KMT2C: variants seen among roughly 807,000 people sequenced by gnomAD.
KMT2C encodes the protein lysine methyltransferase 2C.
Under a neutral mutation model 507.9 loss-of-function variants are expected in KMT2C, and 88 were observed. That is an observed-to-expected ratio of 0.17 (90% CI 0.15 to 0.21). KMT2C has a LOEUF of 0.21. Among genes scored for constraint, KMT2C ranks in the 10% least tolerant of loss-of-function variants. The pLI is 1.00. For synonymous variants in KMT2C, 2,049 were observed against 2,080.8 expected, an observed-to-expected ratio of 0.98 and a Z score of 0.42; for missense variants, 4,954 against 5,957.8, an observed-to-expected ratio of 0.83 and a Z score of 5.55.
intron 48 of KMT2C, 52 bp downstream of exon 48, chr7:152,153,958 T>C: frequency 6.3e-6 from 10 of 1,582,112 alleles, no homozygotes; most frequent in Non-Finnish European, 8.7e-6. Context: ...TGACCCATCT[T>C]TGAAAATTGG....
chr7:152,178,086 G>T (rs1177833239), intron 37 of KMT2C, 76 bp from the exon 38 acceptor site: 1 of 1,231,192 alleles, frequency 8.1e-7, no homozygotes, highest in Non-Finnish European at 1.0e-6. Flanking sequence ...TTGAAAAAAA[G>T]AAAAGTCTTC....
Position 152,135,102 on chromosome 7 carries a change from GGATATTGTACAA to G in KMT2C, c.*1718_*1729del, listed in dbSNP as rs1216572815. The G allele has an allele frequency of 4.4e-6, 1 of 227,052 alleles. No homozygotes were observed. Among genetic ancestry groups the G allele is most frequent in the African/African-American group, 2.2e-5 (1 of 44,972 alleles). 14.1% of individuals were successfully genotyped at this position (227,052 alleles called of 1,614,324 possible). A position where few individuals can be genotyped will look rare whatever the true frequency, so the allele number is the denominator to read the frequency against. On this transcript the variant is annotated 3_prime_UTR_variant, in exon 59 of 59. Transcript: ENST00000262189. ...TAGGACAAATACTGGTAGGATGTCA[GGATATTGTACAA>G]GAGAAGAAAAATATTCAGGAAACAA...
chr7:152,138,599 A>G lies in KMT2C; in HGVS notation c.14643+197T>C. On this transcript the variant is annotated intron_variant, in intron 58 of 58. Coordinates refer to ENST00000262189, the MANE Select transcript of KMT2C (RefSeq NM_170606.3). The surrounding 1 kb of genome is among the most constrained non-coding windows in gnomAD (Gnocchi z 4.2). ...GAGAGGTGACAGCAAATGCTCACAG[A>G]GCTGCCATGTGGAGGAAGGTGAACT... is the stretch of plus-strand genomic sequence containing the variant. 1 of 492,406 alleles carries G rather than the reference A, an allele frequency of 2.0e-6. No individual in the cohort carries two copies. Among genetic ancestry groups the G allele is most frequent in the Non-Finnish European group, 3.6e-6 (1 of 277,542 alleles). 30.5% of individuals were successfully genotyped at this position (492,406 alleles called of 1,614,324 possible).
intron 1 of KMT2C, among the ~76,000 whole-genome samples, chr7:152,407,890 A>G (rs2097636113): frequency 9.9e-5 from 15 of 152,258 alleles, no homozygotes; most frequent in Admixed American, 9.8e-4. Context: ...ATATACTATT[A>G]GTTACATTTA....
chr7:152,312,099 T>C (rs997429054), intron 4 of KMT2C, 153 bp from the exon 5 acceptor site: 7 of 508,292 alleles, frequency 1.4e-5, no homozygotes, highest in African/African-American at 9.7e-5. Context: ...GTTAGTATTA[T>C]CCATGGTATA....
rs1260969417 is a variant in KMT2C at position 152,221,930 on chromosome 7, G to T, written c.3499+71C>A. On this transcript the variant is annotated intron_variant, in intron 22 of 58. Transcript: ENST00000262189. ...CATATGATTGAAGCAGGTTTGACAA[G>T]TGGTAAGCCAATTATGTAAAAATTA... 6.0e-6 allele frequency: 7 copies of T among 1,158,286 alleles called. No individual in the cohort carries two copies. The African/African-American group carries it at 6.2e-5, about 10-fold the overall frequency. The allele number at this position is 1,158,286 out of a possible 1,614,324, so 71.8% of individuals were successfully genotyped here. A position where few individuals can be genotyped will look rare whatever the true frequency, so the allele number is the denominator to read the frequency against.
intron 55 of KMT2C, among the ~76,000 whole-genome samples, chr7:152,143,663 C>T (rs139982418): frequency 1.9e-4 from 29 of 152,296 alleles, no homozygotes; most frequent in Admixed American, 5.9e-4. Context: ...CGGAAGGTCA[C>T]GATGCTCCAG....
intron 4 of KMT2C, among the ~76,000 whole-genome samples, chr7:152,314,741 A>T (rs2096707809): frequency 6.6e-6 from 1 of 152,188 alleles, no homozygotes; most frequent in South Asian, 2.1e-4. Flanking sequence ...ATTATGTTAT[A>T]TTCTTAAAAT....
intron 15 of KMT2C, among the ~76,000 whole-genome samples, chr7:152,238,133 A>C (rs1238569696): frequency 6.6e-6 from 1 of 152,310 alleles, no homozygotes; most frequent in Non-Finnish European, 1.5e-5. Flanking sequence ...TAAATATAGA[A>C]TATGAAGAAA....
Position 152,181,365 on chromosome 7 carries a change from A to G in KMT2C, c.6495T>C (p.Thr2165=). 6.2e-7 allele frequency: 1 copy of G among 1,613,862 alleles called. No homozygotes were observed. ...NTDPYSQPPG[T]PRPTTVDPYS... The stretch of plus-strand genomic sequence containing the variant: ...ATGGGTCAACAGTAGTAGGCCGGGG[A>G]GTTCCAGGAGGTTGAGAGTAAGGGT... Residue 2165 remains threonine, a synonymous_variant, in exon 36 of 59, where the codon ACT becomes ACC. Transcript: ENST00000262189.
rs749198182 is a variant in KMT2C, at chr7:152,205,141, C to A, written c.3926G>T (p.Gly1309Val). Residue 1309 changes from glycine (G) to valine (V), a missense_variant, in exon 25 of 59, where the codon GGC becomes GTC. By Grantham distance (109) the Gly-to-Val change is moderately radical. Transcript: ENST00000262189. ...GCAAGGTAACTGCTCGGAAATAGAGCCTGAGGAATCTTTTCTGATCACAGA... is the reference window on the plus strand; with the variant it reads ...GCAAGGTAACTGCTCGGAAATAGAGACTGAGGAATCTTTTCTGATCACAGA... ...KRSVIRKDSS[G>V]SISEQLPCRD... 2 of 1,612,472 alleles carry A rather than the reference C, an allele frequency of 1.2e-6. No individual in the cohort carries two copies. The highest frequency in any genetic ancestry group is 1.7e-5 in the Admixed American group (1 of 59,968).
At chr7:152,186,751 T>C (rs1003695190) in intron 33 of KMT2C, among the ~76,000 whole-genome samples, 1 of 152,252 alleles carries the variant, frequency 6.6e-6, no homozygotes, top group Admixed American at 6.5e-5. Flanking sequence ...GACATTTCAT[T>C]AATCCAAATT....
At chr7:152,240,630 T>C (rs2095365689) in intron 14 of KMT2C, among the ~76,000 whole-genome samples, 1 of 152,292 alleles carries the variant, frequency 6.6e-6, no homozygotes, top group African/African-American at 2.4e-5. Flanking sequence ...ATGTTTAAAA[T>C]TTCTCCCTTA....
In KMT2C at chr7:152,322,949, T is replaced by C. The variant is rs116144320; in HGVS notation, c.390-7611A>G. On this transcript the variant is annotated intron_variant, in intron 3 of 58. Transcript: ENST00000262189. The stretch of plus-strand genomic sequence containing the variant: ...TCACTACTCATTAGGGAAATGAAAA[T>C]TAAAACAAGTATATATCACGTAACA... 7.9e-3 allele frequency among the ~76,000 whole-genome samples: 1,202 copies of C among 151,966 alleles called. 13 individuals carry two copies. The highest frequency in any genetic ancestry group is 0.028 in the African/African-American group (1,168 of 41,502).
At chr7:152,187,067 G>A (rs957572185) in intron 33 of KMT2C, among the ~76,000 whole-genome samples, 195 bp downstream of exon 33, 1 of 151,990 alleles carries the variant, frequency 6.6e-6, no homozygotes, top group Non-Finnish European at 1.5e-5. Context: ...CTAATTTTTG[G>A]GAAATATGAG....
At chr7:152,349,666 TG>T (rs1446004188) in intron 2 of KMT2C, among the ~76,000 whole-genome samples, 1 of 151,904 alleles carries the variant, frequency 6.6e-6, no homozygotes. Flanking sequence ...GATTAATAGG[TG>T]GAACACCTAT....
At chr7:152,207,248 T>A (rs2094333142) in intron 24 of KMT2C, 52 bp downstream of exon 24, 1 of 1,323,082 alleles carries the variant, frequency 7.6e-7, no homozygotes, top group African/African-American at 1.5e-5. Flanking sequence ...TGTATTTTTC[T>A]TTAATTAACC....
At chr7:152,167,441 C>A (rs2092778685) in intron 41 of KMT2C, 63 bp from the exon 42 acceptor site, 1 of 1,121,508 alleles carries the variant, frequency 8.9e-7, no homozygotes, top group African/African-American at 1.6e-5. Flanking sequence ...ATAAGTTACA[C>A]AAATCTATTT....
intron 44 of KMT2C, chr7:152,158,015 T>C: frequency 1.1e-6 from 1 of 889,798 alleles, no homozygotes; most frequent in Non-Finnish European, 1.5e-6. Context: ...CTTTGTTGAA[T>C]AAGGCTTCAG....
Sources: allele counts gnomAD v4.1 joint callset (sites outside exome capture counted in the v4.1 genomes callset), GRCh38; gene constraint gnomAD v4.1.1; non-coding constraint Gnocchi (gnomAD v3.1); transcripts MANE v1.5; gene names NCBI Gene and HGNC (gene_info 2026-07-23, HGNC 2026-07-21).